The following SH3RF3 variants were observed in gnomAD, a reference collection of about 807,000 sequenced individuals.
SH3RF3 encodes the protein SH3 domain containing ring finger 3.
Under a neutral mutation model 66.3 loss-of-function variants are expected in SH3RF3, and 29 were observed. The observed-to-expected ratio is 0.44, with a 90% confidence interval of 0.33 to 0.60. SH3RF3 has a LOEUF of 0.60. Ranked by LOEUF, SH3RF3 falls within the 20% of genes least tolerant of loss-of-function variation. The pLI is 0.04. For synonymous variants in SH3RF3, 583 were observed against 532.0 expected (o/e 1.10, Z -1.32); for missense variants, 1,194 against 1,190.9 (o/e 1.00, Z -0.04).
intron 1 of SH3RF3, among the ~76,000 whole-genome samples, chr2:109,332,291 C>G (rs1212874572): frequency 1.3e-5 from 2 of 152,156 alleles, no homozygotes; most frequent in African/African-American, 4.8e-5. Flanking sequence ...CACGCCAACT[C>G]TCTCCTGAGA....
intron 8 of SH3RF3, among the ~76,000 whole-genome samples, chr2:109,485,916 A>T (rs1678964673): frequency 6.6e-6 from 1 of 152,216 alleles, no homozygotes; most frequent in African/African-American, 2.4e-5. Context: ...TCTCCTACAC[A>T]CCTACCAGCA....
At chr2:109,311,797 C>T (rs914808744) in intron 1 of SH3RF3, among the ~76,000 whole-genome samples, 1 of 152,224 alleles carries the variant, frequency 6.6e-6, no homozygotes, top group East Asian at 1.9e-4. Context: ...ACCCATATGG[C>T]AGAGACAGCA....
chr2:109,469,413 C>T (rs1055979912), intron 8 of SH3RF3, among the ~76,000 whole-genome samples: 37 of 152,144 alleles, frequency 2.4e-4, no homozygotes, highest in African/African-American at 8.7e-4. Context: ...GTTGGTTTTC[C>T]ATGCATGCAT....
At chr2:109,379,781 A>G (rs1683470916) in intron 3 of SH3RF3, among the ~76,000 whole-genome samples, 1 of 152,042 alleles carries the variant, frequency 6.6e-6, no homozygotes, top group Admixed American at 6.5e-5. Context: ...CTGCAGGTGA[A>G]GCCCGGTCAT....
At chr2:109,342,023 C>G (rs1426384346) in intron 1 of SH3RF3, among the ~76,000 whole-genome samples, 1 of 152,184 alleles carries the variant, frequency 6.6e-6, no homozygotes, top group Non-Finnish European at 1.5e-5. Context: ...GGGTCTCACC[C>G]GCCGGGGCCT....
At chr2:109,260,925 C>G (rs1178384978) in intron 1 of SH3RF3, among the ~76,000 whole-genome samples, 1 of 152,132 alleles carries the variant, frequency 6.6e-6, no homozygotes, top group Non-Finnish European at 1.5e-5. Context: ...GAGAGGAAGG[C>G]CACTCTGTTT....
intron 1 of SH3RF3, among the ~76,000 whole-genome samples, chr2:109,194,963 C>T (rs1393861293): frequency 6.6e-6 from 1 of 152,024 alleles, no homozygotes; most frequent in Non-Finnish European, 1.5e-5. Context: ...GGGAGGGAAC[C>T]CCAACTCCAG....
intron 2 of SH3RF3, among the ~76,000 whole-genome samples, chr2:109,368,539 A>G (rs80153099): frequency 0.16 from 24,039 of 151,878 alleles, 2,152 homozygotes; most frequent in Middle Eastern, 0.25. Context: ...AAAATTGGCA[A>G]CCTTCCTCAA....
At chr2:109,396,422 C>A (rs560049392) in intron 3 of SH3RF3, among the ~76,000 whole-genome samples, 1 of 152,332 alleles carries the variant, frequency 6.6e-6, no homozygotes, top group Non-Finnish European at 1.5e-5. Flanking sequence ...TGCTGACAGC[C>A]ATGTGCCTGG....
intron 8 of SH3RF3, among the ~76,000 whole-genome samples, chr2:109,477,699 C>CT (rs1481065130): frequency 6.6e-6 from 1 of 151,900 alleles, no homozygotes; most frequent in African/African-American, 2.4e-5. Flanking sequence ...GGCTGGAAGT[C>CT]TGAGATCCAG....
intron 1 of SH3RF3, among the ~76,000 whole-genome samples, chr2:109,220,282 G>C (rs1317449839): frequency 2.0e-5 from 3 of 152,026 alleles, no homozygotes; most frequent in African/African-American, 7.2e-5. Flanking sequence ...ACTCAAAATG[G>C]GTTAAAGATC....
chr2:109,474,011 G>C (rs2104736994), intron 8 of SH3RF3, among the ~76,000 whole-genome samples: 1 of 152,296 alleles, frequency 6.6e-6, no homozygotes, highest in African/African-American at 2.4e-5. Flanking sequence ...TATGACAGGG[G>C]CTTTGATGCT....
intron 4 of SH3RF3, among the ~76,000 whole-genome samples, chr2:109,415,783 C>T (rs1192519212): frequency 6.6e-6 from 1 of 152,172 alleles, no homozygotes; most frequent in Admixed American, 6.5e-5. Context: ...TCCTCTAGGC[C>T]CACCACCCAC....
At chr2:109,348,156 G>A (rs1682760033) in intron 2 of SH3RF3, among the ~76,000 whole-genome samples, 1 of 152,196 alleles carries the variant, frequency 6.6e-6, no homozygotes, top group Non-Finnish European at 1.5e-5. Flanking sequence ...TGCTATGGAG[G>A]GCACCAGCTT....
At chr2:109,149,911 T>G (rs2104866140) in intron 1 of SH3RF3, among the ~76,000 whole-genome samples, 1 of 152,354 alleles carries the variant, frequency 6.6e-6, no homozygotes, top group Non-Finnish European at 1.5e-5. Context: ...TGAAATCACT[T>G]TTTAATTGCA....
At chr2:109,331,117 G>A (rs939759709) in intron 1 of SH3RF3, among the ~76,000 whole-genome samples, 1 of 152,164 alleles carries the variant, frequency 6.6e-6, no homozygotes, top group African/African-American at 2.4e-5. Flanking sequence ...AAGATGGCCA[G>A]GAGATAAACT....
In SH3RF3 at chr2:109,221,537, G is replaced by C. The variant is rs894838562; in HGVS notation, c.573+91424G>C. On this transcript the variant is annotated intron_variant, in intron 1 of 9. Transcript: ENST00000309415. ...GCAGAGGCTGCGGTAAGCCGCGATC[G>C]CGCCAGTGCACTCCAGCCTGGGTGA... 2.7e-5 allele frequency among the ~76,000 whole-genome samples: 4 copies of C among 148,628 alleles called. No homozygotes were observed. In the Admixed American group the frequency reaches 2.7e-4, roughly 10 times the overall value.
intron 2 of SH3RF3, among the ~76,000 whole-genome samples, chr2:109,356,057 G>T (rs1478523098): frequency 6.6e-6 from 1 of 152,146 alleles, no homozygotes; most frequent in Non-Finnish European, 1.5e-5. Context: ...TGTTTTCATT[G>T]CCCAGCACTC....
chr2:109,474,971 T>C (rs1190004276), intron 8 of SH3RF3, among the ~76,000 whole-genome samples: 1 of 145,778 alleles, frequency 6.9e-6, no homozygotes, highest in African/African-American at 2.5e-5. Context: ...TGGGTTTTTT[T>C]TGTTTGTTTG....
Sources: gnomAD v4.1 joint callset for allele counts (sites outside exome capture counted in the v4.1 genomes callset) on GRCh38, gnomAD v4.1.1 for gene constraint, MANE v1.5 for transcripts, NCBI Gene and HGNC (gene_info 2026-07-23, HGNC 2026-07-21) for gene names.